ADAMTS12: variants seen among roughly 807,000 people sequenced by gnomAD.
ADAMTS12 encodes A disintegrin and metalloproteinase with thrombospondin motifs 12.
In ADAMTS12, 118 loss-of-function variants were observed where a neutral mutation model predicts 167.8. The ratio of observed to expected loss-of-function variants is 0.70; its 90% CI spans 0.61 to 0.82. The LOEUF is 0.82. Among genes scored for constraint, ADAMTS12 ranks in the 40% least tolerant of loss-of-function variants. The pLI is 0.00. For missense variants in ADAMTS12, 1,916 were observed against 1,998.8 expected (o/e 0.96, Z 0.79); for synonymous variants, 704 against 716.9 (o/e 0.98, Z 0.29).
chr5:33,727,688 T>A (rs1026738783), intron 3 of ADAMTS12, among the ~76,000 whole-genome samples: 1 of 152,032 alleles, frequency 6.6e-6, no homozygotes, highest in African/African-American at 2.4e-5. Flanking sequence ...TGCATCCTGT[T>A]CCCTGGAACA....
chr5:33,536,060 A>G lies in ADAMTS12; in HGVS notation c.4447-1068T>C, dbSNP rs536417799. Among the ~76,000 whole-genome samples the G allele has an allele frequency of 9.2e-5, 14 of 152,350 alleles. No individual in the cohort carries two copies. In the East Asian group the frequency reaches 1.9e-3, roughly 21 times the overall value. On this transcript the variant is annotated intron_variant, in intron 22 of 23. Transcript: ENST00000504830. ...ATAAGATTCTTCAGGATGCAAGAAA[A>G]TGTGCCTGAATTTACCACATATGCT...
At chr5:33,532,778 A>C (rs1744181832) in intron 23 of ADAMTS12, among the ~76,000 whole-genome samples, 1 of 152,242 alleles carries the variant, frequency 6.6e-6, no homozygotes, top group South Asian at 2.1e-4. Context: ...GAGGAAACTA[A>C]ACCTTATATG....
In ADAMTS12 at chr5:33,543,854, AC is replaced by A. The variant is rs529937475; in HGVS notation, c.4446+2204del. The stretch of plus-strand genomic sequence containing the variant: ...TCTCAATAAACTAGGTACTGATGGA[AC>A]GTATCTCAAAATAATAAGAGCTATT... On this transcript the variant is annotated intron_variant, in intron 22 of 23. Coordinates refer to ENST00000504830, the MANE Select transcript of ADAMTS12 (RefSeq NM_030955.4). 1.4e-4 allele frequency among the ~76,000 whole-genome samples: 21 copies of A among 152,336 alleles called. No homozygotes were observed. The East Asian group carries it at 2.3e-3, about 17-fold the overall frequency.
At chr5:33,835,941 CTCTCTCTCTCTCTGTG>C (rs1203642800) in intron 2 of ADAMTS12, among the ~76,000 whole-genome samples, 17 of 50,000 alleles carry the variant, frequency 3.4e-4, no homozygotes, top group South Asian at 2.9e-3. Flanking sequence ...CTCTCTCTCT[CTCTCTCTCTCTCTGTG>C]TGTGTGTGTG....
intron 2 of ADAMTS12, among the ~76,000 whole-genome samples, chr5:33,836,072 T>A (rs1748515779): frequency 2.6e-5 from 4 of 152,144 alleles, no homozygotes; most frequent in Admixed American, 2.0e-4. Flanking sequence ...GTTTTTGTTT[T>A]CATGAAGCCC....
chr5:33,570,092 T>A (rs554249535), intron 19 of ADAMTS12, among the ~76,000 whole-genome samples: 1 of 152,208 alleles, frequency 6.6e-6, no homozygotes, highest in Non-Finnish European at 1.5e-5. Flanking sequence ...AATATGGGAC[T>A]ATGTGAAAAG....
intron 20 of ADAMTS12, among the ~76,000 whole-genome samples, chr5:33,558,654 A>G (rs369033710): frequency 1.3e-5 from 2 of 152,274 alleles, no homozygotes. Context: ...GCTGGAGCTG[A>G]CCTTTTCAAA....
chr5:33,838,636 C>A (rs1264501451), intron 2 of ADAMTS12, among the ~76,000 whole-genome samples: 2 of 151,986 alleles, frequency 1.3e-5, no homozygotes, highest in African/African-American at 4.8e-5. Flanking sequence ...GAGCCGCGAT[C>A]GTGCCACTGC....
chr5:33,736,625 G>A (rs184501347), intron 3 of ADAMTS12, among the ~76,000 whole-genome samples: 8 of 152,330 alleles, frequency 5.3e-5, no homozygotes, highest in African/African-American at 1.7e-4. Context: ...AATGGGCAGT[G>A]TGGAGAAGAC....
intron 16 of ADAMTS12, among the ~76,000 whole-genome samples, chr5:33,612,648 T>C (rs1738785892): frequency 6.6e-6 from 1 of 152,196 alleles, no homozygotes; most frequent in South Asian, 2.1e-4. Context: ...AATGACTTCA[T>C]TTTCCTCCTG....
intron 2 of ADAMTS12, among the ~76,000 whole-genome samples, chr5:33,799,142 G>T (rs1169676461): frequency 2.0e-5 from 3 of 152,286 alleles, no homozygotes; most frequent in African/African-American, 7.2e-5. Context: ...AGATGAGAAC[G>T]ACCAGTGTGG....
chr5:33,791,444 C>T (rs1746564830), intron 2 of ADAMTS12, among the ~76,000 whole-genome samples: 1 of 152,112 alleles, frequency 6.6e-6, no homozygotes, highest in Non-Finnish European at 1.5e-5. Context: ...TACATATATC[C>T]TTGCTGTGCC....
intron 11 of ADAMTS12, 134 bp downstream of exon 11, chr5:33,641,676 C>T (rs1740450135): frequency 1.5e-5 from 13 of 862,334 alleles, no homozygotes; most frequent in Non-Finnish European, 1.9e-5. Flanking sequence ...TCTTCTTGTT[C>T]TGTTTTGTCC....
chr5:33,546,236 TC>T, intron 21 of ADAMTS12, 34 bp from the exon 22 acceptor site: 10 of 1,588,212 alleles, frequency 6.3e-6, no homozygotes, highest in Non-Finnish European at 8.6e-6. Context: ...TAGGTAAAAG[TC>T]AGGTGGAGAC....
intron 16 of ADAMTS12, among the ~76,000 whole-genome samples, chr5:33,601,913 A>G (rs937241867): frequency 2.0e-5 from 3 of 152,214 alleles, no homozygotes; most frequent in Non-Finnish European, 4.4e-5. Flanking sequence ...TCTTAGGTAG[A>G]AAAAGATTCT....
chr5:33,829,995 TAACATATGAAGA>T (rs956476599), intron 2 of ADAMTS12, among the ~76,000 whole-genome samples: 3 of 152,130 alleles, frequency 2.0e-5, no homozygotes, highest in Non-Finnish European at 4.4e-5. Context: ...CCCTGAGCCC[TAACATATGAAGA>T]AAGGGAGGCC....
rs116617306 is a variant in ADAMTS12, at chr5:33,638,135, T to C, written c.1719-389A>G. 4.4e-3 allele frequency among the ~76,000 whole-genome samples: 666 copies of C among 152,204 alleles called. 6 individuals are homozygous for C. Among genetic ancestry groups the C allele is most frequent in the Non-Finnish European group, 8.0e-3 (544 of 68,022 alleles). ...CCACAGTCAATCAGTTGCCTGGTCA[T>C]CAGTTGCCTATTTACATTTGTTTCC... On this transcript the variant is annotated intron_variant, in intron 11 of 23. Coordinates refer to ENST00000504830, the MANE Select transcript of ADAMTS12 (RefSeq NM_030955.4).
chr5:33,713,114 A>C (rs996870481), intron 3 of ADAMTS12, among the ~76,000 whole-genome samples: 13 of 150,484 alleles, frequency 8.6e-5, no homozygotes, highest in Non-Finnish European at 1.6e-4. Context: ...GAAAAGAAGA[A>C]GACGTTTCCC....
intron 2 of ADAMTS12, among the ~76,000 whole-genome samples, chr5:33,849,579 C>T: frequency 1.1e-5 from 1 of 89,224 alleles, no homozygotes; most frequent in East Asian, 2.8e-4. Flanking sequence ...ATGTGTATTG[C>T]ATAGCAATAC....
Sources: gnomAD v4.1 joint callset for allele counts (sites outside exome capture counted in the v4.1 genomes callset) on GRCh38, gnomAD v4.1.1 for gene constraint, MANE v1.5 for transcripts, NCBI Gene and HGNC (gene_info 2026-07-23, HGNC 2026-07-21) for gene names.